Variants in DLGAP2 observed in about 807,000 individuals in gnomAD.
DLGAP2 encodes the protein DLG associated protein 2, also known as disks large-associated protein 2.
DLGAP2 carries 26 observed loss-of-function variants against 100.3 expected under a neutral mutation model. That is an observed-to-expected ratio of 0.26 (90% CI 0.19 to 0.36). The LOEUF (loss-of-function observed/expected upper bound fraction) is 0.36. Among genes scored for constraint, DLGAP2 ranks in the 10% least tolerant of loss-of-function variants. DLGAP2 has a pLI of 1.00. For missense variants in DLGAP2, 1,858 were observed against 1,453.2 expected, an observed-to-expected ratio of 1.28 and a Z score of -4.53; for synonymous variants, 886 against 630.1, an observed-to-expected ratio of 1.41 and a Z score of -6.08.
intron 6 of DLGAP2, among the ~76,000 whole-genome samples, chr8:1,620,809 T>G (rs983612638): frequency 6.6e-6 from 1 of 152,172 alleles, no homozygotes; most frequent in Non-Finnish European, 1.5e-5. Flanking sequence ...AGCTCCCAGC[T>G]CACAAGTCCC....
At chr8:1,255,109 G>A (rs1421042778) in intron 2 of DLGAP2, among the ~76,000 whole-genome samples, 9 of 140,546 alleles carry the variant, frequency 6.4e-5, no homozygotes, top group Non-Finnish European at 6.1e-5. Context: ...CCTGGGTGCT[G>A]TGTGTGTGTC....
chr8:1,513,653 C>G (rs1800257549), intron 4 of DLGAP2, among the ~76,000 whole-genome samples: 1 of 152,218 alleles, frequency 6.6e-6, no homozygotes, highest in African/African-American at 2.4e-5. Flanking sequence ...TGTATGTAAG[C>G]TCGTTGGGAA....
chr8:1,546,036 A>C (rs537289638), intron 4 of DLGAP2, among the ~76,000 whole-genome samples: 13 of 152,350 alleles, frequency 8.5e-5, no homozygotes, highest in Non-Finnish European at 1.8e-4. Context: ...TAGTTTTGCT[A>C]TTTAGCAGTT....
chr8:1,148,978 G>A (rs111947680), intron 2 of DLGAP2, among the ~76,000 whole-genome samples: 57 of 152,000 alleles, frequency 3.8e-4, no homozygotes, highest in African/African-American at 1.2e-3. Context: ...TTATATTTTC[G>A]GATTAATTTA....
intron 12 of DLGAP2, among the ~76,000 whole-genome samples, chr8:1,681,460 T>C (rs1233263790): frequency 6.6e-6 from 1 of 151,900 alleles, no homozygotes; most frequent in African/African-American, 2.4e-5. Context: ...CAGTGAGACC[T>C]TGTCTCTACC....
At chr8:1,434,424 C>T (rs1054319345) in intron 3 of DLGAP2, among the ~76,000 whole-genome samples, 14 of 152,124 alleles carry the variant, frequency 9.2e-5, no homozygotes, top group Non-Finnish European at 1.8e-4. Context: ...TAGCATCCTG[C>T]CACACCCACC....
chr8:797,793 C>T (rs1796065419), intron 1 of DLGAP2, among the ~76,000 whole-genome samples: 1 of 152,076 alleles, frequency 6.6e-6, no homozygotes, highest in Non-Finnish European at 1.5e-5. Context: ...TCTTATTGCC[C>T]AGGCTGGAGT....
At chr8:1,037,106 C>A (rs777393317) in intron 2 of DLGAP2, among the ~76,000 whole-genome samples, 6 of 151,960 alleles carry the variant, frequency 3.9e-5, no homozygotes, top group Non-Finnish European at 8.8e-5. Context: ...CAGTGTGGCT[C>A]CTGCCCATGG....
chr8:1,102,775 G>C (rs551087869), intron 2 of DLGAP2, among the ~76,000 whole-genome samples: 192 of 152,222 alleles, frequency 1.3e-3, no homozygotes, highest in African/African-American at 4.4e-3. Flanking sequence ...GATGTGGGGA[G>C]GAGAAAAAGG....
intron 2 of DLGAP2, among the ~76,000 whole-genome samples, chr8:979,444 G>C (rs139462278): frequency 6.6e-6 from 1 of 152,204 alleles, no homozygotes; most frequent in Non-Finnish European, 1.5e-5. Context: ...AAGTGACACA[G>C]TGATCTTGTT....
Position 1,626,891 on chromosome 8 carries a change from A to G in DLGAP2, c.1590+4A>G, listed in dbSNP as rs1797518853. The G allele has an allele frequency of 1.9e-6, 3 of 1,591,056 alleles. No homozygotes were observed. On this transcript the variant is annotated splice_donor_region_variant and intron_variant, in intron 7 of 14. Transcript: ENST00000637795. ...CCAGGCCAGCTGCGTGAGCCAGGTCAGGGTCCCTTCGCCCTTTCTCCCTGG... is the reference window on the plus strand; with the variant it reads ...CCAGGCCAGCTGCGTGAGCCAGGTCGGGGTCCCTTCGCCCTTTCTCCCTGG...
intron 2 of DLGAP2, among the ~76,000 whole-genome samples, chr8:1,009,411 C>G (rs1801212700): frequency 6.6e-6 from 1 of 152,156 alleles, no homozygotes; most frequent in African/African-American, 2.4e-5. Flanking sequence ...GAAGGAGATT[C>G]TAAATATTGA....
At chr8:1,325,174 G>A (rs116809417) in intron 3 of DLGAP2, among the ~76,000 whole-genome samples, 3 of 152,294 alleles carry the variant, frequency 2.0e-5, no homozygotes, top group African/African-American at 4.8e-5. Context: ...CCCAGAGCTG[G>A]TGTAGCGGAT....
At chr8:1,279,506 A>G (rs888709942) in intron 3 of DLGAP2, among the ~76,000 whole-genome samples, 5 of 152,234 alleles carry the variant, frequency 3.3e-5, no homozygotes, top group Admixed American at 6.5e-5. Flanking sequence ...GGAAATTGCA[A>G]TTCTAGATGT....
At chr8:1,170,784 A>G (rs1237126640) in intron 2 of DLGAP2, among the ~76,000 whole-genome samples, 2 of 144,430 alleles carry the variant, frequency 1.4e-5, no homozygotes, top group African/African-American at 2.5e-5. Flanking sequence ...TTTTTTCTTT[A>G]TTAGTCTTGC....
chr8:891,905 G>A (rs140489790), intron 1 of DLGAP2, among the ~76,000 whole-genome samples: 160 of 152,324 alleles, frequency 1.1e-3, no homozygotes, highest in African/African-American at 3.7e-3. Context: ...CTAGTGACTG[G>A]GGCCGCATCC....
intron 3 of DLGAP2, among the ~76,000 whole-genome samples, chr8:1,363,972 T>G (rs1188701240): frequency 1.3e-5 from 2 of 152,162 alleles, no homozygotes; most frequent in Admixed American, 1.3e-4. Flanking sequence ...GGAGTCAGGA[T>G]GCCTCCCCAG....
At chr8:1,180,905 G>A (rs1406803950) in intron 2 of DLGAP2, among the ~76,000 whole-genome samples, 1 of 137,596 alleles carries the variant, frequency 7.3e-6, no homozygotes, top group Non-Finnish European at 1.5e-5. Flanking sequence ...ACTTACTGTC[G>A]AGTGTGGGTG....
intron 2 of DLGAP2, among the ~76,000 whole-genome samples, chr8:1,176,467 T>A (rs936049574): frequency 4.6e-5 from 7 of 152,232 alleles, no homozygotes; most frequent in Admixed American, 1.3e-4. Context: ...TGTAGAACGA[T>A]GAATGTAGTC....
Sources: gnomAD v4.1 joint callset for allele counts (sites outside exome capture counted in the v4.1 genomes callset) on GRCh38, gnomAD v4.1.1 for gene constraint, MANE v1.5 for transcripts, NCBI Gene and HGNC (gene_info 2026-07-23, HGNC 2026-07-21) for gene names.